The following MED13L variants were observed in gnomAD, a reference collection of about 807,000 sequenced individuals.
MED13L encodes mediator complex subunit 13L, also known as mediator of RNA polymerase II transcription subunit 13-like.
MED13L carries 7 observed loss-of-function variants against 220.9 expected under a neutral mutation model. The ratio of observed to expected loss-of-function variants is 0.03; its 90% CI spans 0.02 to 0.06. The LOEUF is 0.06. Among genes scored for constraint, MED13L ranks in the 10% least tolerant of loss-of-function variants. The pLI is 1.00. For synonymous variants in MED13L, 1,011 were observed against 1,015.2 expected (o/e 1.00, Z 0.08); for missense variants, 1,965 against 2,760.5 (o/e 0.71, Z 6.46).
chr12:116,017,107 TTG>T (rs142521444), intron 7 of MED13L, among the ~76,000 whole-genome samples: 1,543 of 152,300 alleles, frequency 0.01, 12 homozygotes, highest in Non-Finnish European at 0.014. Flanking sequence ...TTTTGTTCAG[TTG>T]TGTGTGTTTG....
At chr12:116,029,095 G>A (rs1308142742) in intron 4 of MED13L, among the ~76,000 whole-genome samples, 3 of 151,952 alleles carry the variant, frequency 2.0e-5, no homozygotes, top group Non-Finnish European at 4.4e-5. Flanking sequence ...AAAAAATGGA[G>A]ACATTAATAC....
intron 3 of MED13L, chr12:116,110,357 TTAAATAAATAAA>T (rs34452896): frequency 5.8e-4 from 84 of 145,076 alleles, no homozygotes; most frequent in East Asian, 1.6e-3. Flanking sequence ...CATAGCAAGA[TTAAATAAATAAA>T]TAAATAAATA....
intron 1 of MED13L, among the ~76,000 whole-genome samples, chr12:116,270,037 C>G (rs1873160422): frequency 6.7e-6 from 1 of 149,858 alleles, no homozygotes; most frequent in African/African-American, 2.5e-5. Context: ...TCTACTCCAA[C>G]AAAGATAACC....
At chr12:116,074,197 C>T (rs1194339543) in intron 4 of MED13L, among the ~76,000 whole-genome samples, 4 of 152,132 alleles carry the variant, frequency 2.6e-5, no homozygotes, top group Non-Finnish European at 4.4e-5. Flanking sequence ...GAGTTCGACA[C>T]CAACCTGGCC....
At chr12:116,071,813 T>A (rs940864946) in intron 4 of MED13L, among the ~76,000 whole-genome samples, 58 of 146,542 alleles carry the variant, frequency 4.0e-4, no homozygotes, top group Admixed American at 3.4e-4. Context: ...CATTATTTTA[T>A]ATGGGCATGC....
intron 7 of MED13L, 96 bp from the exon 8 acceptor site, chr12:116,015,370 G>C: frequency 7.5e-7 from 1 of 1,332,960 alleles, no homozygotes; most frequent in Non-Finnish European, 1.1e-6. Flanking sequence ...CATTTTAATT[G>C]TTGAAAGTCA....
At chr12:116,113,792 A>G (rs1354369361) in intron 2 of MED13L, among the ~76,000 whole-genome samples, 5 of 45,218 alleles carry the variant, frequency 1.1e-4, no homozygotes, top group Admixed American at 2.8e-4. Context: ...GGGAGGGGGG[A>G]AGAGGGAGAG....
chr12:116,146,585 C>T (rs1877535121), intron 2 of MED13L, among the ~76,000 whole-genome samples: 1 of 151,948 alleles, frequency 6.6e-6, no homozygotes, highest in African/African-American at 2.4e-5. Context: ...CCCTAAATAG[C>T]CAACCATGGT....
At chr12:116,230,493 TG>T (rs761256945) in intron 2 of MED13L, 4 of 984,438 alleles carry the variant, frequency 4.1e-6, no homozygotes, top group Admixed American at 6.2e-5. Context: ...TGCTGCAAAA[TG>T]GTATCATTCA....
rs373598730 is a variant in MED13L at position 116,243,836 on chromosome 12, C to T, written c.73-6131G>A. 5.9e-5 allele frequency among the ~76,000 whole-genome samples: 9 copies of T among 152,198 alleles called. 4 individuals carry two copies. The highest frequency in any genetic ancestry group is 2.2e-4 in the African/African-American group (9 of 41,530). On this transcript the variant is annotated intron_variant, in intron 1 of 30. Coordinates refer to ENST00000281928, the MANE Select transcript of MED13L (RefSeq NM_015335.5). ...ATGTGATGTTAGGAAATCCACTGTA[C>T]CTCAAGGCACCTCAGATTCAGGACC...
chr12:116,168,010 C>T (rs933240190), intron 2 of MED13L, among the ~76,000 whole-genome samples: 2 of 152,088 alleles, frequency 1.3e-5, no homozygotes, highest in Non-Finnish European at 2.9e-5. Context: ...CATTTTAACA[C>T]TTTATAGTGA....
At chr12:116,220,470 G>A (rs910425567) in intron 2 of MED13L, among the ~76,000 whole-genome samples, 5 of 152,098 alleles carry the variant, frequency 3.3e-5, no homozygotes, top group Admixed American at 6.5e-5. Flanking sequence ...AGGCCGAGGC[G>A]GGCAGATCAC....
At chr12:116,209,253 T>C (rs1882545188) in intron 2 of MED13L, among the ~76,000 whole-genome samples, 1 of 152,200 alleles carries the variant, frequency 6.6e-6, no homozygotes, top group Non-Finnish European at 1.5e-5. Context: ...ACGTACATTA[T>C]AGAGACAGCT....
chr12:115,968,820 G>A, intron 28 of MED13L, 120 bp downstream of exon 28: 1 of 1,272,204 alleles, frequency 7.9e-7, no homozygotes, highest in Non-Finnish European at 1.1e-6. Context: ...TATTTCTCTT[G>A]TACCAAGGAC....
chr12:116,089,841 C>T (rs1007189908), intron 4 of MED13L, among the ~76,000 whole-genome samples: 4 of 152,170 alleles, frequency 2.6e-5, no homozygotes, highest in South Asian at 2.1e-4. Context: ...TGGAAACAAC[C>T]TTCCAGGCAT....
At position 116,276,652 on chromosome 12, in the gene MED13L, G is replaced by T; in HGVS notation, c.72+408C>A. On this transcript the variant is annotated intron_variant, in intron 1 of 30. Transcript: ENST00000281928. ...GCGGGCAGGCAGCTGATCCAACAACGGGGGAAGAGGTTGCCGATCGGAGGC... is the reference window on the plus strand; with the variant it reads ...GCGGGCAGGCAGCTGATCCAACAACTGGGGAAGAGGTTGCCGATCGGAGGC... 5 of 1,193,232 alleles carry T rather than the reference G, an allele frequency of 4.2e-6. No individual in the cohort carries two copies. In the South Asian group the frequency reaches 7.8e-5, roughly 19 times the overall value. 73.9% of individuals were successfully genotyped at this position (1,193,232 alleles called of 1,614,324 possible).
At chr12:116,191,183 T>C (rs1881259384) in intron 2 of MED13L, among the ~76,000 whole-genome samples, 1 of 151,896 alleles carries the variant, frequency 6.6e-6, no homozygotes, top group African/African-American at 2.4e-5. Context: ...GTATTTGGAA[T>C]GTAACAGTAA....
intron 4 of MED13L, among the ~76,000 whole-genome samples, chr12:116,049,236 T>C (rs1407893356): frequency 6.6e-6 from 1 of 152,214 alleles, no homozygotes; most frequent in Non-Finnish European, 1.5e-5. Context: ...AGAGGCTCAG[T>C]TTTGAAGTCA....
intron 1 of MED13L, among the ~76,000 whole-genome samples, chr12:116,265,583 A>T (rs928906957): frequency 7.9e-5 from 12 of 152,152 alleles, no homozygotes; most frequent in Admixed American, 3.9e-4. Flanking sequence ...AATATTTGTC[A>T]CTTTAGTCAT....
Sources: gnomAD v4.1 joint callset for allele counts (sites outside exome capture counted in the v4.1 genomes callset) on GRCh38, gnomAD v4.1.1 for gene constraint, MANE v1.5 for transcripts, NCBI Gene and HGNC (gene_info 2026-07-23, HGNC 2026-07-21) for gene names.